Variants in LRRC37A3 observed in about 807,000 individuals in gnomAD.
The protein encoded by LRRC37A3 is leucine-rich repeat-containing protein 37A3.
In LRRC37A3, 25 loss-of-function variants were observed where a neutral mutation model predicts 106.2. That is an observed-to-expected ratio of 0.24 (90% CI 0.17 to 0.33). The LOEUF (loss-of-function observed/expected upper bound fraction) is 0.33. Among genes scored for constraint, LRRC37A3 ranks in the 10% least tolerant of loss-of-function variants. LRRC37A3 has a pLI of 1.00. For synonymous variants in LRRC37A3, 305 were observed against 635.8 expected (o/e 0.48, Z 7.83); for missense variants, 712 against 1,644.9 (o/e 0.43, Z 9.81).
rs1598397778 is a variant in LRRC37A3, at chr17:64,866,044, A to C, written c.3053+2418T>G. Among the ~76,000 whole-genome samples, 6 of 152,162 alleles carry C rather than the reference A, an allele frequency of 3.9e-5. 1 individual carries two copies. The East Asian group carries it at 1.2e-3, about 29-fold the overall frequency. ...ATGAGCTGGCCTACTTACTTTGTACATAAATGTGTAAACTCCTGAAGACTT... is the reference window on the plus strand; with the variant it reads ...ATGAGCTGGCCTACTTACTTTGTACCTAAATGTGTAAACTCCTGAAGACTT... On this transcript the variant is annotated intron_variant, in intron 10 of 14. Coordinates refer to ENST00000584306, the MANE Select transcript of LRRC37A3 (RefSeq NM_199340.5).
chr17:64,869,859 T>C (rs1195162371), intron 8 of LRRC37A3, among the ~76,000 whole-genome samples: 6 of 151,130 alleles, frequency 4.0e-5, no homozygotes, highest in Non-Finnish European at 8.8e-5. Flanking sequence ...TTTATCTTTA[T>C]AAAGTTTTTA....
At chr17:64,905,015 GTTAA>G (rs1389319511) in intron 2 of LRRC37A3, among the ~76,000 whole-genome samples, 26 of 148,908 alleles carry the variant, frequency 1.7e-4, no homozygotes, top group Non-Finnish European at 2.7e-4. Flanking sequence ...CTCAAAATTA[GTTAA>G]TTAATAAATC....
Position 64,866,800 on chromosome 17 carries a change from T to TA in LRRC37A3, c.3053+1661_3053+1662insT, listed in dbSNP as rs1256074921. 7.6e-3 allele frequency among the ~76,000 whole-genome samples: 982 copies of TA among 129,836 alleles called. 12 individuals are homozygous for TA. Among genetic ancestry groups the TA allele is most frequent in the African/African-American group, 0.031 (887 of 29,018 alleles). The allele number at this position is 129,836 out of a possible 152,430, so 85.2% of individuals were successfully genotyped here. A position where few individuals can be genotyped will look rare whatever the true frequency, so the allele number is the denominator to read the frequency against. On this transcript the variant is annotated intron_variant, in intron 10 of 14. Coordinates refer to ENST00000584306, the MANE Select transcript of LRRC37A3 (RefSeq NM_199340.5). ...CGTGTGCCACCACACCTGGCTGATT[T>TA]TTATATATATATATATATATATATC...
intron 13 of LRRC37A3, among the ~76,000 whole-genome samples, chr17:64,858,136 T>A (rs1231412463): frequency 6.6e-6 from 1 of 152,156 alleles, no homozygotes. Flanking sequence ...ATGTCTCACA[T>A]GGTGTCCAAG....
chr17:64,882,731 TA>T (rs1425050510), intron 8 of LRRC37A3, among the ~76,000 whole-genome samples: 3 of 151,814 alleles, frequency 2.0e-5, no homozygotes, highest in Non-Finnish European at 4.4e-5. Context: ...CCTACCTCAC[TA>T]ATATTCTAAT....
chr17:64,861,022 G>T, intron 11 of LRRC37A3, 49 bp from the exon 12 acceptor site: 2 of 1,611,856 alleles, frequency 1.2e-6, no homozygotes, highest in Non-Finnish European at 1.7e-6. Context: ...GATGGGATGG[G>T]ATGCATCAGT....
intron 8 of LRRC37A3, chr17:64,877,158 A>G (rs1015323013): frequency 3.2e-4 from 49 of 152,232 alleles, no homozygotes; most frequent in African/African-American, 1.2e-3. Context: ...AGGCTGAAGC[A>G]GGTGGATCAT....
intron 2 of LRRC37A3, among the ~76,000 whole-genome samples, chr17:64,916,855 C>A (rs1974713642): frequency 6.9e-6 from 1 of 145,100 alleles, no homozygotes. Context: ...AAAAGATGCA[C>A]ATAAAAAGAG....
At chr17:64,908,702 G>A (rs1347024227) in intron 2 of LRRC37A3, among the ~76,000 whole-genome samples, 9 of 114,560 alleles carry the variant, frequency 7.9e-5, no homozygotes, top group Non-Finnish European at 1.5e-4. Context: ...ACGTGAACCC[G>A]GGAGGCGGAG....
chr17:64,865,302 C>T (rs1483096613), intron 10 of LRRC37A3, among the ~76,000 whole-genome samples: 1 of 152,134 alleles, frequency 6.6e-6, no homozygotes, highest in Non-Finnish European at 1.5e-5. Context: ...TGCCACCACA[C>T]CTGGCTAATT....
At chr17:64,919,181 C>A (rs1974774158) in intron 1 of LRRC37A3, among the ~76,000 whole-genome samples, 2 of 151,860 alleles carry the variant, frequency 1.3e-5, no homozygotes, top group South Asian at 4.1e-4. Context: ...GCGGCGGCGG[C>A]GGCGGCGGGG....
intron 8 of LRRC37A3, chr17:64,871,615 C>A (rs1973315555): frequency 6.6e-6 from 1 of 152,026 alleles, no homozygotes; most frequent in African/African-American, 2.4e-5. Flanking sequence ...CTGGTACACC[C>A]CTTTTTAGGC....
intron 10 of LRRC37A3, 63 bp from the exon 11 acceptor site, chr17:64,863,081 G>T: frequency 1.3e-6 from 2 of 1,584,996 alleles, no homozygotes; most frequent in Non-Finnish European, 1.7e-6. Flanking sequence ...AGGTAAAGGA[G>T]GCAGCCAACA....
intron 10 of LRRC37A3, among the ~76,000 whole-genome samples, chr17:64,863,736 G>T (rs2143399349): frequency 6.6e-6 from 1 of 152,246 alleles, no homozygotes; most frequent in Non-Finnish European, 1.5e-5. Flanking sequence ...TGGGTGAAAA[G>T]ACATTTGAGA....
chr17:64,854,244 G>A lies in LRRC37A3; in HGVS notation c.*355C>T. 1 of 391,728 alleles carries A rather than the reference G, an allele frequency of 2.6e-6. No homozygotes were observed. Among genetic ancestry groups the A allele is most frequent in the Non-Finnish European group, 4.6e-6 (1 of 218,626 alleles). The allele number at this position is 391,728 out of a possible 1,614,324, so 24.3% of individuals were successfully genotyped here. The stretch of plus-strand genomic sequence containing the variant: ...AGGGCTTGGGAAAAAGACAGGGCTT[G>A]GCCCCACAGTGCAGGTAGGCCCAGT... On this transcript the variant is annotated 3_prime_UTR_variant, in exon 15 of 15. Coordinates refer to ENST00000584306, the MANE Select transcript of LRRC37A3 (RefSeq NM_199340.5).
At chr17:64,899,477 T>C (rs1420261196) in intron 2 of LRRC37A3, among the ~76,000 whole-genome samples, 6 of 141,250 alleles carry the variant, frequency 4.2e-5, no homozygotes, top group African/African-American at 1.2e-4. Flanking sequence ...ATAGCTCCAT[T>C]ATACGCTTAC....
At chr17:64,861,022 G>C (rs1972850789) in intron 11 of LRRC37A3, 49 bp from the exon 12 acceptor site, 2 of 1,611,738 alleles carry the variant, frequency 1.2e-6, no homozygotes, top group Non-Finnish European at 8.5e-7. Context: ...GATGGGATGG[G>C]ATGCATCAGT....
chr17:64,873,462 G>A (rs981796591), intron 8 of LRRC37A3, among the ~76,000 whole-genome samples: 1 of 152,120 alleles, frequency 6.6e-6, no homozygotes, highest in Non-Finnish European at 1.5e-5. Flanking sequence ...GCCTGGCCTA[G>A]AGAAGGATTT....
rs143229372 is a variant in LRRC37A3, at chr17:64,860,856, C to T, written c.3290G>A (p.Gly1097Asp). Residue 1097 changes from glycine (G) to aspartate (D), a missense_variant, in exon 12 of 15, where the codon GGC (glycine) becomes GAC (aspartate). Transcript: ENST00000584306. The part of the protein sequence containing the change: ...IEPEEPSDSS[G>D]INLSGFGSEQ... ...ACTCCCAAAGCCTGACAAGTTGATG[C>T]CACTGCTGTCTGAGGGCTCCTCCGG... 3,247 of 1,614,200 alleles carry T rather than the reference C, an allele frequency of 2.0e-3. 10 individuals are homozygous for T. Among genetic ancestry groups the T allele is most frequent in the Middle Eastern group, 3.3e-3 (20 of 6,062 alleles).
Sources: gnomAD v4.1 joint callset for allele counts (sites outside exome capture counted in the v4.1 genomes callset) on GRCh38, gnomAD v4.1.1 for gene constraint, MANE v1.5 for transcripts, NCBI Gene and HGNC (gene_info 2026-07-23, HGNC 2026-07-21) for gene names.